Variants in PLEKHA5 observed in about 807,000 individuals in gnomAD.
PLEKHA5 encodes pleckstrin homology domain containing A5.
A neutral mutation model predicts 181.9 loss-of-function variants in PLEKHA5; 55 were observed. The ratio of observed to expected loss-of-function variants is 0.30; its 90% confidence interval spans 0.24 to 0.38. The LOEUF (loss-of-function observed/expected upper bound fraction) is 0.38, where lower values mean the gene tolerates loss of function less well. Among genes scored for constraint, PLEKHA5 ranks in the 10% least tolerant of loss-of-function variants. The probability of loss-of-function intolerance (pLI) is 1.00; values close to 1 mark genes in which losing one functional copy is unlikely to be tolerated. For missense variants in PLEKHA5, 1,432 were observed against 1,549.5 expected, an observed-to-expected ratio of 0.92 and a Z score of 1.27; for synonymous variants, 535 against 529.4, an observed-to-expected ratio of 1.01 and a Z score of -0.15.
chr12:19,208,594 C>T (rs1029368642), intron 3 of PLEKHA5, among the ~76,000 whole-genome samples: 1 of 152,066 alleles, frequency 6.6e-6, no homozygotes, highest in Non-Finnish European at 1.5e-5. Flanking sequence ...CAGCTAAGCT[C>T]TCATTTTTTG....
intron 3 of PLEKHA5, among the ~76,000 whole-genome samples, chr12:19,177,533 C>G (rs1328698715): frequency 6.6e-6 from 1 of 152,162 alleles, no homozygotes; most frequent in Non-Finnish European, 1.5e-5. Context: ...TGGATCAGTT[C>G]CCACTGCAAC....
At chr12:19,249,098 C>A in intron 3 of PLEKHA5, among the ~76,000 whole-genome samples, 1 of 152,064 alleles carries the variant, frequency 6.6e-6, no homozygotes, top group East Asian at 1.9e-4. Context: ...TTTGGGAAAC[C>A]AAAGTAGGAA....
At chr12:19,144,181 C>T (rs2038244391) in intron 3 of PLEKHA5, among the ~76,000 whole-genome samples, 1 of 152,170 alleles carries the variant, frequency 6.6e-6, no homozygotes, top group South Asian at 2.1e-4. Flanking sequence ...ACTAGAGATT[C>T]AGATGGTTTG....
intron 3 of PLEKHA5, among the ~76,000 whole-genome samples, chr12:19,245,723 CAAAAAAAAAA>C (rs1177391924): frequency 5.9e-5 from 3 of 50,906 alleles, no homozygotes; most frequent in African/African-American, 8.6e-5. Flanking sequence ...GTGAGACTGT[CAAAAAAAAAA>C]AAAAAAAAAA....
intron 7 of PLEKHA5, among the ~76,000 whole-genome samples, chr12:19,263,938 C>G (rs1457503353): frequency 6.6e-6 from 1 of 152,136 alleles, no homozygotes. Flanking sequence ...CTATGAGTCT[C>G]TCTAGGTAAT....
At chr12:19,326,043 T>G (rs567004788) in intron 20 of PLEKHA5, among the ~76,000 whole-genome samples, 2 of 151,972 alleles carry the variant, frequency 1.3e-5, no homozygotes, top group African/African-American at 4.8e-5. Flanking sequence ...ATAAAATAAA[T>G]AAAATAGAAT....
At chr12:19,200,371 G>A in intron 3 of PLEKHA5, 3 of 1,528,934 alleles carry the variant, frequency 2.0e-6, no homozygotes, top group Non-Finnish European at 2.6e-6. Flanking sequence ...AAGATGTAAT[G>A]GAAGTTCCAG....
chr12:19,368,857 C>G (rs950128725), intron 30 of PLEKHA5, among the ~76,000 whole-genome samples: 2 of 151,886 alleles, frequency 1.3e-5, no homozygotes, highest in African/African-American at 2.4e-5. Context: ...TTGTCACTGG[C>G]CAGTTTTGGT....
At chr12:19,332,040 G>A (rs967873208) in intron 20 of PLEKHA5, among the ~76,000 whole-genome samples, 1 of 152,062 alleles carries the variant, frequency 6.6e-6, no homozygotes, top group Non-Finnish European at 1.5e-5. Flanking sequence ...GCTCACACCT[G>A]TAATCCCAGT....
chr12:19,329,623 T>C (rs927506474), intron 20 of PLEKHA5, among the ~76,000 whole-genome samples: 5 of 152,130 alleles, frequency 3.3e-5, no homozygotes, highest in Admixed American at 1.3e-4. Flanking sequence ...GTGTGCATAG[T>C]GGTGTTCGTA....
Position 19,324,750 on chromosome 12 carries a change from G to A in PLEKHA5, c.2448+2083G>A, listed in dbSNP as rs546374298. 2.0e-5 allele frequency among the ~76,000 whole-genome samples: 3 copies of A among 152,284 alleles called. No homozygotes were observed. The South Asian group carries it at 6.2e-4, about 32-fold the overall frequency. ...GATGAGAACATAGGAGACATGTTTGGAAAAGGAGGAAATAGAACTAACAGC... is the reference window on the plus strand; with the variant it reads ...GATGAGAACATAGGAGACATGTTTGAAAAAGGAGGAAATAGAACTAACAGC... On this transcript the variant is annotated intron_variant, in intron 20 of 31. Coordinates refer to ENST00000429027, the MANE Select transcript of PLEKHA5 (RefSeq NM_001256470.2).
intron 3 of PLEKHA5, among the ~76,000 whole-genome samples, chr12:19,146,001 T>C (rs2038827767): frequency 6.6e-6 from 1 of 152,208 alleles, no homozygotes; most frequent in African/African-American, 2.4e-5. Flanking sequence ...CAAAACTGAC[T>C]GCATAATGAT....
At chr12:19,175,087 G>A (rs1565900014) in intron 3 of PLEKHA5, among the ~76,000 whole-genome samples, 1 of 152,196 alleles carries the variant, frequency 6.6e-6, no homozygotes, top group East Asian at 1.9e-4. Flanking sequence ...AAGACAGCTG[G>A]AATGAGGTAT....
At chr12:19,301,986 C>G (rs1369475509) in intron 15 of PLEKHA5, among the ~76,000 whole-genome samples, 1 of 152,182 alleles carries the variant, frequency 6.6e-6, no homozygotes, top group Non-Finnish European at 1.5e-5. Flanking sequence ...AAGACCCCTG[C>G]ATTCCCTAAA....
At chr12:19,266,008 T>C (rs1406337745) in intron 8 of PLEKHA5, among the ~76,000 whole-genome samples, 158 bp downstream of exon 8, 3 of 152,122 alleles carry the variant, frequency 2.0e-5, no homozygotes, top group Non-Finnish European at 2.9e-5. Flanking sequence ...AGAATGTCCC[T>C]CTAATTAGGA....
intron 3 of PLEKHA5, among the ~76,000 whole-genome samples, chr12:19,135,212 G>T (rs1056132030): frequency 1.3e-5 from 2 of 152,048 alleles, no homozygotes; most frequent in Non-Finnish European, 2.9e-5. Context: ...GTTAAAAATG[G>T]CAGGTTACCA....
intron 3 of PLEKHA5, among the ~76,000 whole-genome samples, chr12:19,221,450 A>C (rs2058915084): frequency 6.6e-6 from 1 of 152,172 alleles, no homozygotes; most frequent in African/African-American, 2.4e-5. Context: ...AAAACTATAG[A>C]GTGGAAAGAC....
intron 3 of PLEKHA5, among the ~76,000 whole-genome samples, chr12:19,215,466 A>C (rs986504515): frequency 6.6e-6 from 1 of 152,058 alleles, no homozygotes; most frequent in Admixed American, 6.6e-5. Context: ...TTTTATCCTC[A>C]TGTGTGTGGA....
intron 8 of PLEKHA5, among the ~76,000 whole-genome samples, chr12:19,269,302 G>A (rs954106820): frequency 6.6e-6 from 1 of 150,384 alleles, no homozygotes; most frequent in African/African-American, 2.5e-5. Context: ...CAGGAGAATC[G>A]CTTGAACCAG....
Sources: allele counts gnomAD v4.1 joint callset (sites outside exome capture counted in the v4.1 genomes callset), GRCh38; gene constraint gnomAD v4.1.1; transcripts MANE v1.5; gene names NCBI Gene and HGNC (gene_info 2026-07-23, HGNC 2026-07-21).